AFG2A: variants seen among roughly 807,000 people sequenced by gnomAD.
AFG2A encodes ATPase family gene 2 protein homolog A.
the AFG2A span, among the ~76,000 whole-genome samples, chr4:123,019,656 G>A: frequency 1.1e-4 from 17 of 152,200 alleles, no homozygotes; most frequent in African/African-American, 3.6e-4. Context: ...GAATTATAAA[G>A]CTGTTTTTCA....
chr4:122,948,422 A>G, the AFG2A span, among the ~76,000 whole-genome samples: 1 of 150,612 alleles, frequency 6.6e-6, no homozygotes, highest in East Asian at 1.9e-4. Context: ...ACACACACAC[A>G]CACACACACA....
chr4:123,023,465 C>G, the AFG2A span, among the ~76,000 whole-genome samples: 1 of 152,200 alleles, frequency 6.6e-6, no homozygotes, highest in South Asian at 2.1e-4. Flanking sequence ...ACTTCCTCCA[C>G]CAGTTAGTAA....
the AFG2A span, among the ~76,000 whole-genome samples, chr4:123,258,339 A>AT: frequency 6.6e-6 from 1 of 152,338 alleles, no homozygotes; most frequent in South Asian, 2.1e-4. Flanking sequence ...TAAAGTTAAT[A>AT]AACAGGAGAT....
chr4:123,063,612 G>A, the AFG2A span, among the ~76,000 whole-genome samples: 1 of 152,072 alleles, frequency 6.6e-6, no homozygotes, highest in South Asian at 2.1e-4. Flanking sequence ...TGGGCGTGGT[G>A]GCAGACGCCT....
the AFG2A span, chr4:123,316,726 T>G: frequency 6.6e-6 from 1 of 152,006 alleles, no homozygotes; most frequent in African/African-American, 2.4e-5. Context: ...ATCAACAAGT[T>G]TAGATATTAA....
At chr4:123,163,758 C>A in the AFG2A span, among the ~76,000 whole-genome samples, 2 of 152,258 alleles carry the variant, frequency 1.3e-5, no homozygotes, top group East Asian at 1.9e-4. Flanking sequence ...ATTAGGCAAC[C>A]CTTGAAAGGA....
the AFG2A span, among the ~76,000 whole-genome samples, chr4:123,082,546 A>T: frequency 2.3e-5 from 3 of 129,490 alleles, no homozygotes; most frequent in Non-Finnish European, 1.7e-5. Flanking sequence ...TTTGGTCACT[A>T]CCACACTGTT....
the AFG2A span, among the ~76,000 whole-genome samples, chr4:123,092,110 A>G: frequency 0.1 from 15,950 of 152,220 alleles, 936 homozygotes; most frequent in Middle Eastern, 0.2. Context: ...TTATTAGAAG[A>G]TAGGTGAGTT....
chr4:123,131,879 T>C, the AFG2A span, among the ~76,000 whole-genome samples: 1 of 152,256 alleles, frequency 6.6e-6, no homozygotes, highest in Non-Finnish European at 1.5e-5. Context: ...CTATTTTTAA[T>C]GTTTTGAATA....
At chr4:123,012,233 A>G in the AFG2A span, among the ~76,000 whole-genome samples, 17 of 89,612 alleles carry the variant, frequency 1.9e-4, no homozygotes, top group East Asian at 3.8e-4. Flanking sequence ...AAAGGGTGGG[A>G]GGTGCTTGCC....
chr4:123,296,175 C>CA, the AFG2A span, among the ~76,000 whole-genome samples: 3,435 of 121,360 alleles, frequency 0.028, 63 homozygotes, highest in Non-Finnish European at 0.042. Flanking sequence ...AGTACTTGTT[C>CA]AAAAAAAAAA....
At chr4:123,250,788 A>G in the AFG2A span, among the ~76,000 whole-genome samples, 6 of 152,178 alleles carry the variant, frequency 3.9e-5, no homozygotes, top group Non-Finnish European at 8.8e-5. Context: ...GAATATTAGA[A>G]AGCCTTGGCT....
the AFG2A span, among the ~76,000 whole-genome samples, chr4:123,032,799 G>C: frequency 1.3e-5 from 2 of 152,204 alleles, no homozygotes; most frequent in African/African-American, 2.4e-5. Flanking sequence ...CACAGCTCCC[G>C]GTCAGCCATT....
the AFG2A span, among the ~76,000 whole-genome samples, chr4:123,030,596 C>A: frequency 6.6e-6 from 1 of 151,986 alleles, no homozygotes; most frequent in African/African-American, 2.4e-5. Flanking sequence ...TATTACATGT[C>A]CTAGTTACTA....
At chr4:123,219,344 G>A in the AFG2A span, among the ~76,000 whole-genome samples, 47 of 152,234 alleles carry the variant, frequency 3.1e-4, no homozygotes, top group South Asian at 7.1e-3. Context: ...AGCTGCTGGC[G>A]GCCATTGGAT....
chr4:123,151,710 A>T, the AFG2A span, among the ~76,000 whole-genome samples: 2 of 152,216 alleles, frequency 1.3e-5, no homozygotes, highest in African/African-American at 4.8e-5. Context: ...CCATTGTGGA[A>T]GACAGTGTGG....
At chr4:122,929,988 T>C in the AFG2A span, among the ~76,000 whole-genome samples, 1 of 152,208 alleles carries the variant, frequency 6.6e-6, no homozygotes, top group African/African-American at 2.4e-5. Context: ...TATTTAGCAG[T>C]GTTTTTCACC....
chr4:123,013,835 C>T, the AFG2A span, among the ~76,000 whole-genome samples: 19 of 152,114 alleles, frequency 1.2e-4, no homozygotes, highest in African/African-American at 4.6e-4. Context: ...AAGCACCAAA[C>T]ATATGTAATA....
At chr4:123,241,396 A>C in the AFG2A span, among the ~76,000 whole-genome samples, 1 of 152,244 alleles carries the variant, frequency 6.6e-6, no homozygotes, top group Admixed American at 6.5e-5. Flanking sequence ...AAATACTGGC[A>C]AACCGAATCC....
Sources: allele counts gnomAD v4.1 joint callset (sites outside exome capture counted in the v4.1 genomes callset), GRCh38; gene constraint gnomAD v4.1.1; transcripts MANE v1.5; gene names NCBI Gene and HGNC (gene_info 2026-07-23, HGNC 2026-07-21).